RNF13: variants seen among roughly 807,000 people sequenced by gnomAD.
RNF13 encodes the protein E3 ubiquitin-protein ligase RNF13.
A neutral mutation model predicts 37.7 loss-of-function variants in RNF13; 19 were observed. That is an observed-to-expected ratio of 0.50 (90% CI 0.35 to 0.74). The LOEUF (loss-of-function observed/expected upper bound fraction) is 0.74, where lower values mean the gene tolerates loss of function less well. Ranked by LOEUF, RNF13 falls within the 30% of genes least tolerant of loss-of-function variation. The probability of loss-of-function intolerance (pLI) is 0.01; values close to 1 mark genes in which losing one functional copy is unlikely to be tolerated. For missense variants in RNF13, 375 were observed against 453.0 expected (o/e 0.83, Z 1.56); for synonymous variants, 144 against 157.8 (o/e 0.91, Z 0.65).
chr3:149,939,300 T>C (rs150862326), intron 8 of RNF13: 9 of 467,712 alleles, frequency 1.9e-5, no homozygotes, highest in Non-Finnish European at 3.7e-5. Flanking sequence ...ATCATCGTCA[T>C]TTTCATCATC....
chr3:149,914,929 A>G (rs1056079838), intron 7 of RNF13, among the ~76,000 whole-genome samples: 6 of 151,258 alleles, frequency 4.0e-5, no homozygotes, highest in Non-Finnish European at 7.4e-5. Flanking sequence ...CAAGATCGAA[A>G]CTCCATCTCA....
At chr3:149,835,470 T>C (rs547154850) in intron 1 of RNF13, among the ~76,000 whole-genome samples, 18 of 152,240 alleles carry the variant, frequency 1.2e-4, no homozygotes, top group African/African-American at 4.3e-4. Flanking sequence ...ATCATTCTTA[T>C]ACCGTTGCAT....
At chr3:149,820,087 G>A (rs542642137) in intron 1 of RNF13, among the ~76,000 whole-genome samples, 36 of 152,238 alleles carry the variant, frequency 2.4e-4, no homozygotes, top group South Asian at 2.1e-3. Context: ...GGGATGTTTT[G>A]CGCTTTGATG....
At position 149,880,544 on chromosome 3, in the gene RNF13, A is replaced by G. The variant is rs1394244412; in HGVS notation, c.321+8390A>G. ...AGCAGTTTTAACTTAAGCATAACTT[A>G]CAAGTTTTAACTTATAGCAAGCATA... On this transcript the variant is annotated intron_variant, in intron 4 of 9. Coordinates refer to ENST00000392894, the MANE Select transcript of RNF13 (RefSeq NM_183381.3). Among the ~76,000 whole-genome samples the G allele has an allele frequency of 2.6e-5, 4 of 152,334 alleles. No homozygotes were observed. The East Asian group carries it at 7.7e-4, about 29-fold the overall frequency.
chr3:149,933,189 G>A (rs761263196), intron 8 of RNF13, among the ~76,000 whole-genome samples: 12 of 152,072 alleles, frequency 7.9e-5, no homozygotes, highest in Admixed American at 1.3e-4. Context: ...CAGAGGCTCC[G>A]CAGGCCTGAC....
rs538935329 is a variant in RNF13, at chr3:149,825,160, T to C, written c.-17+11807T>C. 2.6e-4 allele frequency among the ~76,000 whole-genome samples: 39 copies of C among 151,820 alleles called. No individual in the cohort carries two copies. The South Asian group carries it at 4.8e-3, about 19-fold the overall frequency. Reference sequence around the variant, plus strand: ...TTTTTGTAGAGACAGAGTCTAGCTATGTTGCCCAGGCTCCAGCAACCCTTT... The same window carrying C: ...TTTTTGTAGAGACAGAGTCTAGCTACGTTGCCCAGGCTCCAGCAACCCTTT... On this transcript the variant is annotated intron_variant, in intron 1 of 9. Transcript: ENST00000392894.
intron 8 of RNF13, among the ~76,000 whole-genome samples, chr3:149,958,005 A>C (rs1367162943): frequency 6.6e-6 from 1 of 152,204 alleles, no homozygotes; most frequent in Non-Finnish European, 1.5e-5. Flanking sequence ...GTCATCTTCA[A>C]ACTAAGTGCT....
At chr3:149,957,927 A>G (rs759061745) in intron 8 of RNF13, among the ~76,000 whole-genome samples, 25 of 152,204 alleles carry the variant, frequency 1.6e-4, no homozygotes, top group Non-Finnish European at 3.5e-4. Context: ...CATAAAGGTT[A>G]ATTTGCTACA....
At chr3:149,948,098 C>A (rs549467971) in intron 8 of RNF13, among the ~76,000 whole-genome samples, 1 of 152,000 alleles carries the variant, frequency 6.6e-6, no homozygotes, top group South Asian at 2.1e-4. Context: ...TACAGGCACA[C>A]GCCACCATGT....
intron 4 of RNF13, among the ~76,000 whole-genome samples, chr3:149,891,994 A>G (rs1714757966): frequency 6.6e-6 from 1 of 152,328 alleles, no homozygotes; most frequent in South Asian, 2.1e-4. Flanking sequence ...CTGTTAGTCC[A>G]TATGTTAATG....
intron 8 of RNF13, among the ~76,000 whole-genome samples, chr3:149,957,905 C>G (rs1722017888): frequency 6.6e-6 from 1 of 152,170 alleles, no homozygotes; most frequent in South Asian, 2.1e-4. Context: ...CATTTCATCA[C>G]AAGTCCAAGG....
chr3:149,954,690 GA>G lies in RNF13; in HGVS notation c.701-5364del, dbSNP rs571439716. 6.6e-5 allele frequency among the ~76,000 whole-genome samples: 10 copies of G among 152,192 alleles called. No individual in the cohort carries two copies. The South Asian group carries it at 2.1e-3, about 32-fold the overall frequency. On this transcript the variant is annotated intron_variant, in intron 8 of 9. Transcript: ENST00000392894. Reference sequence around the variant, plus strand: ...TCCTATCTTATTCATCTTCACTTTTGAAGTTCTTTCAGAAATGTTCATGCTG... The same window carrying G: ...TCCTATCTTATTCATCTTCACTTTTGAGTTCTTTCAGAAATGTTCATGCTG...
intron 8 of RNF13, among the ~76,000 whole-genome samples, chr3:149,957,390 G>A (rs1043864689): frequency 7.2e-6 from 1 of 139,358 alleles, no homozygotes; most frequent in Non-Finnish European, 1.6e-5. Context: ...GTTGAGGGGA[G>A]CAACTAGCTT....
chr3:149,845,461 GA>G (rs1374374934), intron 1 of RNF13, among the ~76,000 whole-genome samples: 1 of 152,018 alleles, frequency 6.6e-6, no homozygotes, highest in Admixed American at 6.6e-5. Context: ...GTAGAGAGGG[GA>G]AAAAAGCATA....
At chr3:149,950,347 T>C (rs1453596760) in intron 8 of RNF13, among the ~76,000 whole-genome samples, 1 of 152,248 alleles carries the variant, frequency 6.6e-6, no homozygotes, top group African/African-American at 2.4e-5. Context: ...TGCTTTGTAA[T>C]TTTTTGTTGA....
rs2108354038 is a variant in RNF13 at position 149,837,328 on chromosome 3, A to C, written c.-16-8683A>C. 1.3e-5 allele frequency among the ~76,000 whole-genome samples: 2 copies of C among 152,282 alleles called. 1 individual carries two copies. Among genetic ancestry groups the C allele is most frequent in the East Asian group, 3.9e-4 (2 of 5,188 alleles). The stretch of plus-strand genomic sequence containing the variant: ...TAGATTTATAGTGTGTTTTTTTCTG[A>C]AGTGCTTTAAATGACAGATATCATG... On this transcript the variant is annotated intron_variant, in intron 1 of 9. Coordinates refer to ENST00000392894, the MANE Select transcript of RNF13 (RefSeq NM_183381.3).
At chr3:149,901,900 T>C (rs1013763901) in intron 5 of RNF13, among the ~76,000 whole-genome samples, 172 bp from the exon 6 acceptor site, 1 of 152,212 alleles carries the variant, frequency 6.6e-6, no homozygotes, top group Admixed American at 6.5e-5. Context: ...GTAAATGTTA[T>C]GTTTCTCAAC....
chr3:149,846,145 G>T lies in RNF13; in HGVS notation c.114+5G>T. 1 of 1,562,296 alleles carries T rather than the reference G, an allele frequency of 6.4e-7. No homozygotes were observed. Among genetic ancestry groups the T allele is most frequent in the Non-Finnish European group, 8.8e-7 (1 of 1,137,408 alleles). On this transcript the variant is annotated splice_donor_5th_base_variant and intron_variant, in intron 2 of 9. Coordinates refer to ENST00000392894, the MANE Select transcript of RNF13 (RefSeq NM_183381.3). Reference sequence around the variant, plus strand: ...GTAGAAGCAGACATTTTAGCAGTAAGTACAGTAAAATTTATTCATGTCTAG... The same window carrying T: ...GTAGAAGCAGACATTTTAGCAGTAATTACAGTAAAATTTATTCATGTCTAG...
chr3:149,933,590 T>C (rs974232831), intron 8 of RNF13, among the ~76,000 whole-genome samples: 1 of 150,810 alleles, frequency 6.6e-6, no homozygotes, highest in Non-Finnish European at 1.5e-5. Context: ...TTCTTCTTTT[T>C]TTTTTTTTTT....
Sources: gnomAD v4.1 joint callset for allele counts (sites outside exome capture counted in the v4.1 genomes callset) on GRCh38, gnomAD v4.1.1 for gene constraint, MANE v1.5 for transcripts, NCBI Gene and HGNC (gene_info 2026-07-23, HGNC 2026-07-21) for gene names.